The following PTPRQ variants were observed in gnomAD, a reference collection of about 807,000 sequenced individuals.
PTPRQ encodes protein tyrosine phosphatase receptor type Q, also known as phosphatidylinositol phosphatase PTPRQ.
Under a neutral mutation model 246.0 loss-of-function variants are expected in PTPRQ, and 199 were observed. The ratio of observed to expected loss-of-function variants is 0.81; its 90% CI spans 0.72 to 0.91. PTPRQ has a LOEUF of 0.91. Ranked by LOEUF, PTPRQ falls within the 40% of genes least tolerant of loss-of-function variation. The pLI is 0.00. For missense variants in PTPRQ, 2,624 were observed against 2,528.4 expected (o/e 1.04, Z -0.81); for synonymous variants, 869 against 853.2 (o/e 1.02, Z -0.32).
At chr12:80,636,909 A>G (rs1899675274) in intron 35 of PTPRQ, among the ~76,000 whole-genome samples, 2 of 152,178 alleles carry the variant, frequency 1.3e-5, no homozygotes, top group Non-Finnish European at 2.9e-5. Context: ...TAAGCACTAT[A>G]TATTTTCACA....
chr12:80,558,072 C>T (rs905240449), intron 25 of PTPRQ, among the ~76,000 whole-genome samples: 2 of 148,512 alleles, frequency 1.3e-5, no homozygotes, highest in African/African-American at 5.0e-5. Flanking sequence ...CCTTCCCTTC[C>T]CTTCCCTCCC....
Position 80,472,191 on chromosome 12 carries a change from G to C in PTPRQ, c.1126G>C (p.Ala376Pro), listed in dbSNP as rs1367534807. The change falls in exon 8 of 45, where the codon GCT (alanine) becomes CCT (proline). Residue 376 changes from alanine (A) to proline (P), a missense_variant. Ala to Pro is a conservative substitution (Grantham distance 27, BLOSUM62 -1). Coordinates refer to ENST00000644991, the MANE Select transcript of PTPRQ (RefSeq NM_001145026.2). ...TACAATGTATGATGTCTATATTGCGGCTGAAACCAGTGCAGGGACTGGGCC... is the reference window on the plus strand; with the variant it reads ...TACAATGTATGATGTCTATATTGCGCCTGAAACCAGTGCAGGGACTGGGCC... ...PFTMYDVYIA[A>P]ETSAGTGPKS... The C allele has an allele frequency of 1.3e-6, 2 of 1,551,444 alleles. No homozygotes were observed. Among genetic ancestry groups the C allele is most frequent in the African/African-American group, 2.7e-5 (2 of 73,036 alleles).
At chr12:80,525,142 G>A (rs1326863861) in intron 17 of PTPRQ, among the ~76,000 whole-genome samples, 1 of 152,130 alleles carries the variant, frequency 6.6e-6, no homozygotes, top group Non-Finnish European at 1.5e-5. Flanking sequence ...TTACTGGTTA[G>A]TACAGTTTGA....
At chr12:80,673,896 C>G (rs183350975) in intron 43 of PTPRQ, among the ~76,000 whole-genome samples, 3 of 151,840 alleles carry the variant, frequency 2.0e-5, no homozygotes, top group African/African-American at 7.2e-5. Context: ...GGCTTAAAAC[C>G]CTCTACTGAG....
chr12:80,533,283 T>C (rs1363824467), intron 17 of PTPRQ, among the ~76,000 whole-genome samples: 11 of 151,904 alleles, frequency 7.2e-5, no homozygotes, highest in Admixed American at 7.2e-4. Context: ...AATAAAATAG[T>C]GTTATATTTT....
intron 25 of PTPRQ, among the ~76,000 whole-genome samples, chr12:80,560,185 G>T (rs1202998772): frequency 6.6e-6 from 1 of 152,144 alleles, no homozygotes; most frequent in Non-Finnish European, 1.5e-5. Context: ...CTGATGCTCT[G>T]CTCCAGGAGA....
At chr12:80,553,250 T>A (rs967102159) in intron 25 of PTPRQ, among the ~76,000 whole-genome samples, 3 of 152,258 alleles carry the variant, frequency 2.0e-5, no homozygotes, top group Non-Finnish European at 4.4e-5. Flanking sequence ...ATATAAAGCA[T>A]GAGTATTAAT....
At chr12:80,523,878 G>T (rs961129255) in intron 17 of PTPRQ, among the ~76,000 whole-genome samples, 1 of 152,154 alleles carries the variant, frequency 6.6e-6, no homozygotes, top group African/African-American at 2.4e-5. Context: ...ATGTCTATTA[G>T]GTCTGCTTGG....
rs752146694 is a variant in PTPRQ, at chr12:80,549,747, A to T, written c.4285+13A>T. 7.9e-6 allele frequency: 12 copies of T among 1,527,548 alleles called. No individual in the cohort carries two copies. In the South Asian group the frequency reaches 1.5e-4, roughly 19 times the overall value. The allele number at this position is 1,527,548 out of a possible 1,614,324, so 94.6% of individuals were successfully genotyped here. On this transcript the variant is annotated intron_variant, in intron 25 of 44. Transcript: ENST00000644991. The stretch of plus-strand genomic sequence containing the variant: ...CTACCTGAAACAGGTAACTAACGTG[A>T]AACAGGTAACTAACATGAAACCTTT...
intron 25 of PTPRQ, among the ~76,000 whole-genome samples, chr12:80,572,436 ATT>A (rs1200029833): frequency 6.6e-5 from 10 of 152,068 alleles, no homozygotes; most frequent in Non-Finnish European, 1.3e-4. Context: ...TATTAAAATT[ATT>A]GTGTCTTCTA....
chr12:80,460,228 A>G (rs1893112596), intron 5 of PTPRQ, among the ~76,000 whole-genome samples: 1 of 152,158 alleles, frequency 6.6e-6, no homozygotes, highest in Non-Finnish European at 1.5e-5. Flanking sequence ...CACACACCTA[A>G]CGTGTGAGCT....
intron 39 of PTPRQ, 22 bp from the exon 40 acceptor site, chr12:80,668,985 G>GTTTGTAAT: frequency 6.5e-7 from 1 of 1,542,512 alleles, no homozygotes; most frequent in Non-Finnish European, 8.8e-7. Context: ...GTGATGCAGT[G>GTTTGTAAT]TTTGTAATTA....
chr12:80,632,073 T>A, intron 33 of PTPRQ, 119 bp from the exon 34 acceptor site: 1 of 1,311,058 alleles, frequency 7.6e-7, no homozygotes, highest in South Asian at 1.6e-5. Flanking sequence ...TGCTACATTT[T>A]ACTAGTATTC....
chr12:80,447,630 TC>T (rs1892593537), intron 3 of PTPRQ, among the ~76,000 whole-genome samples: 1 of 151,224 alleles, frequency 6.6e-6, no homozygotes, highest in Non-Finnish European at 1.5e-5. Flanking sequence ...CCAGCCAGTT[TC>T]CCCAGCACCA....
rs551466120 is a variant in PTPRQ, at chr12:80,471,845, A to T, written c.1040-260A>T. 1.7e-3 allele frequency among the ~76,000 whole-genome samples: 258 copies of T among 152,222 alleles called. 5 individuals are homozygous for T. In the South Asian group the frequency reaches 0.05, roughly 29 times the overall value. On this transcript the variant is annotated intron_variant, in intron 7 of 44. Transcript: ENST00000644991. ...TTCAATATGTCAAAAATAACCTGGTAATTCAAAAAGGCTTTATGATTTAAT... is the reference window on the plus strand; with the variant it reads ...TTCAATATGTCAAAAATAACCTGGTTATTCAAAAAGGCTTTATGATTTAAT...
At chr12:80,636,093 A>T (rs1259850041) in intron 35 of PTPRQ, among the ~76,000 whole-genome samples, 7 of 152,202 alleles carry the variant, frequency 4.6e-5, no homozygotes, top group Non-Finnish European at 5.9e-5. Context: ...TCCAAATGCT[A>T]CAAAATGAAG....
At chr12:80,642,437 C>T (rs1277941129) in intron 35 of PTPRQ, among the ~76,000 whole-genome samples, 2 of 152,150 alleles carry the variant, frequency 1.3e-5, no homozygotes, top group Non-Finnish European at 2.9e-5. Flanking sequence ...ATTTAGAATA[C>T]ATGGTTGACA....
In PTPRQ at chr12:80,616,709, G is replaced by A. The variant is rs142840235; in HGVS notation, c.5230+443G>A. 8.0e-3 allele frequency among the ~76,000 whole-genome samples: 1,208 copies of A among 151,250 alleles called. 24 individuals carry two copies. The highest frequency in any genetic ancestry group is 0.028 in the African/African-American group (1,162 of 41,410). ...TAAATAGTGTTTTTTGAACTACCATGTAGGTTGGTTTATGATTCTGACAGT... is the reference window on the plus strand; with the variant it reads ...TAAATAGTGTTTTTTGAACTACCATATAGGTTGGTTTATGATTCTGACAGT... On this transcript the variant is annotated intron_variant, in intron 30 of 44. Transcript: ENST00000644991.
chr12:80,482,251 C>T (rs942197482), intron 8 of PTPRQ, among the ~76,000 whole-genome samples: 63 of 150,080 alleles, frequency 4.2e-4, no homozygotes, highest in African/African-American at 1.4e-3. Flanking sequence ...CTTTGACAAA[C>T]CTGAGAAAAA....
Sources: allele counts gnomAD v4.1 joint callset (sites outside exome capture counted in the v4.1 genomes callset), GRCh38; gene constraint gnomAD v4.1.1; transcripts MANE v1.5; gene names NCBI Gene and HGNC (gene_info 2026-07-23, HGNC 2026-07-21).